GATA6: variants seen among roughly 807,000 people sequenced by gnomAD.
The protein encoded by GATA6 is transcription factor GATA-6.
A neutral mutation model predicts 48.1 loss-of-function variants in GATA6; 11 were observed. The ratio of observed to expected loss-of-function variants is 0.23; its 90% CI spans 0.14 to 0.38. GATA6 has a LOEUF of 0.38. GATA6 is among the 10% of genes least tolerant of loss of function. The pLI, the probability that GATA6 is intolerant of heterozygous loss-of-function variation, is 1.00. For synonymous variants in GATA6, 419 were observed against 396.1 expected, an observed-to-expected ratio of 1.06 and a Z score of -0.69; for missense variants, 795 against 850.3, an observed-to-expected ratio of 0.93 and a Z score of 0.81.
intron 3 of GATA6, 41 bp downstream of exon 3, chr18:22,177,162 C>T (rs201473095): frequency 1.3e-6 from 2 of 1,521,138 alleles, no homozygotes; most frequent in East Asian, 2.6e-5. Context: ...CGGCCGGCCC[C>T]GGGCTCTCCT....
In GATA6 at chr18:22,171,575, CGGA is replaced by C. The variant is rs761319387; in HGVS notation, c.436_438del (p.Glu146del). The C allele has an allele frequency of 2.2e-5, 36 of 1,602,498 alleles. No individual in the cohort carries two copies. Among genetic ancestry groups the C allele is most frequent in the East Asian group, 8.9e-5 (4 of 44,730 alleles). ...CTGAGCCCCTTCGCACCCGAGCAGC[CGGA>C]GGAGATGTACCAGACCCTCGCCGCT... On this transcript the variant is annotated inframe_deletion, in exon 2 of 7. Transcript: ENST00000269216. This position sits in a 1 kb window ranked among gnomAD's most constrained non-coding sequence, Gnocchi z 7.1.
intron 6 of GATA6, among the ~76,000 whole-genome samples, chr18:22,189,464 T>A (rs2033302213): frequency 6.6e-6 from 1 of 152,206 alleles, no homozygotes; most frequent in Non-Finnish European, 1.5e-5. Context: ...CTCCACTGTC[T>A]TTTTCTTCAA....
Position 22,171,467 on chromosome 18 carries a change from G to A in GATA6, c.323G>A (p.Ser108Asn). 1 of 1,599,720 alleles carries A rather than the reference G, an allele frequency of 6.3e-7. No individual in the cohort carries two copies. The highest frequency in any genetic ancestry group is 8.5e-7 in the Non-Finnish European group (1 of 1,179,282). The change falls in exon 2 of 7, where the codon AGC becomes AAC. Residue 108 changes from serine to asparagine, a missense_variant. Ser to Asn is a conservative substitution (Grantham distance 46). Coordinates refer to ENST00000269216, the MANE Select transcript of GATA6 (RefSeq NM_005257.6). The surrounding 1 kb of genome is among the most constrained non-coding windows in gnomAD (Gnocchi z 7.1). Reference protein sequence around the residue: ...GVAGPGGNLSSWEDLLLFTDL... With the variant: ...GVAGPGGNLSNWEDLLLFTDL... Reference sequence around the variant, plus strand: ...GCGGGCCCCGGGGGCAACCTGTCGAGCTGGGAGGACTTGCTGCTGTTCACT... The same window carrying A: ...GCGGGCCCCGGGGGCAACCTGTCGAACTGGGAGGACTTGCTGCTGTTCACT...
chr18:22,171,739 C>A lies in GATA6; in HGVS notation c.595C>A (p.Pro199Thr). Residue 199 changes from proline (P) to threonine (T), a missense_variant, in exon 2 of 7, where the codon CCC (proline) becomes ACC (threonine). Physicochemically the swap from Pro to Thr is conservative, Grantham distance 38. Around this residue, in one of 5 missense-constraint regions of GATA6, gnomAD observed 591 missense variants for 570.0 expected, o/e 1.04. Transcript: ENST00000269216. This position sits in a 1 kb window ranked among gnomAD's most constrained non-coding sequence, Gnocchi z 7.1. ...VPTTRVGSMLPGLPYHLQGSG... is the reference protein window; with the variant it reads ...VPTTRVGSMLTGLPYHLQGSG... ...CACCACCCGCGTGGGTTCCATGCTGCCCGGCCTACCGTACCACCTGCAGGG... is the reference window on the plus strand; with the variant it reads ...CACCACCCGCGTGGGTTCCATGCTGACCGGCCTACCGTACCACCTGCAGGG... 6.8e-7 allele frequency: 1 copy of A among 1,466,652 alleles called. No individual in the cohort carries two copies. Among genetic ancestry groups the A allele is most frequent in the South Asian group, 1.3e-5 (1 of 75,936 alleles). The allele number at this position is 1,466,652 out of a possible 1,614,324, so 90.9% of individuals were successfully genotyped here. A position where few individuals can be genotyped will look rare whatever the true frequency, so the allele number is the denominator to read the frequency against.
rs761683725 is a variant in GATA6, at chr18:22,181,499, C to G, written c.1349C>G (p.Thr450Arg). 6.2e-7 allele frequency: 1 copy of G among 1,614,212 alleles called. No homozygotes were observed. The highest frequency in any genetic ancestry group is 2.2e-5 in the East Asian group (1 of 44,884). Residue 450 changes from threonine (T) to arginine (R), a missense_variant, in exon 4 of 7, where the codon ACA becomes AGA. Thr to Arg is a moderately conservative substitution (Grantham distance 71). This residue lies in a region of GATA6 where 76 missense variants were observed against 113.1 expected (regional missense o/e 0.67). Coordinates refer to ENST00000269216, the MANE Select transcript of GATA6 (RefSeq NM_005257.6). ...LGLSCANCHTTTTTLWRRNAE... is the reference protein window; with the variant it reads ...LGLSCANCHTRTTTLWRRNAE... Reference sequence around the variant, plus strand: ...TTGTCCTGTGCCAACTGTCACACCACAACTACCACCTTATGGCGCAGAAAC... The same window carrying G: ...TTGTCCTGTGCCAACTGTCACACCAGAACTACCACCTTATGGCGCAGAAAC...
intron 6 of GATA6, among the ~76,000 whole-genome samples, chr18:22,190,198 C>T (rs1305271294): frequency 1.3e-5 from 2 of 152,062 alleles, no homozygotes; most frequent in East Asian, 1.9e-4. Flanking sequence ...ACAGTTAATG[C>T]AAATTTTCTT....
chr18:22,192,775 CATT>C (rs2033343266), intron 6 of GATA6, among the ~76,000 whole-genome samples: 2 of 152,194 alleles, frequency 1.3e-5, no homozygotes, highest in Admixed American at 1.3e-4. Flanking sequence ...TTAGGGTCCT[CATT>C]GACTTCAAGT....
At chr18:22,189,142 G>A (rs1363052324) in intron 6 of GATA6, among the ~76,000 whole-genome samples, 1 of 152,136 alleles carries the variant, frequency 6.6e-6, no homozygotes, top group Non-Finnish European at 1.5e-5. Context: ...GGGACACTGT[G>A]TGCTTAGCTA....
rs1021632376 is a variant in GATA6 at position 22,201,067 on chromosome 18, T to C, written c.*244T>C. ...AGCCCGCCTCCGGGGCGGACCCTGC[T>C]CCACTTCCAGAAGCCAGGACTAGGA... is the stretch of plus-strand genomic sequence containing the variant. On this transcript the variant is annotated 3_prime_UTR_variant, in exon 7 of 7. Transcript: ENST00000269216. 5 of 576,394 alleles carry C rather than the reference T, an allele frequency of 8.7e-6. No individual in the cohort carries two copies. The highest frequency in any genetic ancestry group is 3.7e-5 in the African/African-American group (2 of 53,532). The allele number at this position is 576,394 out of a possible 1,614,324, so 35.7% of individuals were successfully genotyped here. A position where few individuals can be genotyped will look rare whatever the true frequency, so the allele number is the denominator to read the frequency against.
chr18:22,182,692 A>G (rs1223526969), intron 4 of GATA6, 65 bp from the exon 5 acceptor site: 5 of 1,162,140 alleles, frequency 4.3e-6, no homozygotes, highest in South Asian at 2.6e-5. Context: ...TTTAGTGCCA[A>G]TGTTGGGTCT....
intron 6 of GATA6, among the ~76,000 whole-genome samples, chr18:22,191,081 G>C (rs2033323236): frequency 6.8e-6 from 1 of 147,986 alleles, no homozygotes; most frequent in Non-Finnish European, 1.5e-5. Flanking sequence ...GTGACAGGGA[G>C]GATGGTAAGA....
chr18:22,173,454 T>C (rs761060068), intron 2 of GATA6, among the ~76,000 whole-genome samples: 3 of 152,052 alleles, frequency 2.0e-5, no homozygotes, highest in Non-Finnish European at 4.4e-5. Flanking sequence ...GGTCTGTGCT[T>C]CTCGTGGGAG....
At chr18:22,177,724 TGCCGTTTACTTTGTCCTTTCCACC>T (rs1219572231) in intron 3 of GATA6, among the ~76,000 whole-genome samples, 8 of 152,144 alleles carry the variant, frequency 5.3e-5, no homozygotes, top group African/African-American at 1.9e-4. Context: ...TTCTTTTGGG[TGCCGTTTACTTTGTCCTTTCCACC>T]TTCTTGGTCA....
At chr18:22,179,836 T>C (rs1008628314) in intron 3 of GATA6, among the ~76,000 whole-genome samples, 7 of 152,232 alleles carry the variant, frequency 4.6e-5, no homozygotes, top group African/African-American at 1.7e-4. Context: ...AGAAATGTTG[T>C]AGTGCTAAAA....
At chr18:22,181,307 G>T in intron 3 of GATA6, 146 bp from the exon 4 acceptor site, 1 of 982,138 alleles carries the variant, frequency 1.0e-6, no homozygotes, top group Non-Finnish European at 1.5e-6. Context: ...TAAGTACACT[G>T]CAATTTTTTT....
At chr18:22,196,748 A>T (rs1040728140) in intron 6 of GATA6, among the ~76,000 whole-genome samples, 10 of 148,552 alleles carry the variant, frequency 6.7e-5, no homozygotes, top group African/African-American at 2.6e-4. Context: ...TCTCAAAAAT[A>T]AAAAATAAAA....
intron 6 of GATA6, among the ~76,000 whole-genome samples, chr18:22,200,176 AGTGTGTGTGTGT>A (rs59255780): frequency 6.7e-6 from 1 of 150,366 alleles, no homozygotes; most frequent in African/African-American, 2.4e-5. Context: ...GCCTTGTTAG[AGTGTGTGTGTGT>A]GTGTGTGTGT....
In GATA6 at chr18:22,200,701, G is replaced by T; in HGVS notation, c.1666G>T (p.Glu556Ter). The T allele has an allele frequency of 6.2e-7, 1 of 1,614,210 alleles. No individual in the cohort carries two copies. The highest frequency in any genetic ancestry group is 1.1e-5 in the South Asian group (1 of 91,080). The change falls in exon 7 of 7, where the codon GAG (glutamate) becomes TAG (stop). Residue 556 changes from glutamate (E) to a stop codon, truncating the protein, a stop_gained. Coordinates refer to ENST00000269216, the MANE Select transcript of GATA6 (RefSeq NM_005257.6). LOFTEE classifies it high-confidence loss of function. ...MTGAGESTNP[E>*]NSELKYSGQD... The stretch of plus-strand genomic sequence containing the variant: ...TGGTGCGGGAGAGAGCACCAATCCC[G>T]AGAACAGCGAGCTCAAGTATTCGGG...
intron 6 of GATA6, among the ~76,000 whole-genome samples, chr18:22,195,354 C>T (rs368438674): frequency 2.0e-5 from 3 of 152,068 alleles, no homozygotes; most frequent in Non-Finnish European, 4.4e-5. Flanking sequence ...GACTCTGGTT[C>T]CCTCCTATTT....
Sources: allele counts gnomAD v4.1 joint callset (sites outside exome capture counted in the v4.1 genomes callset), GRCh38; gene constraint gnomAD v4.1.1; regional missense constraint gnomAD v4.1.1; non-coding constraint Gnocchi (gnomAD v3.1); transcripts MANE v1.5; gene names NCBI Gene and HGNC (gene_info 2026-07-23, HGNC 2026-07-21).